The following RTTN variants were observed in gnomAD, a reference collection of about 807,000 sequenced individuals.
RTTN encodes rotatin.
A neutral mutation model predicts 269.2 loss-of-function variants in RTTN; 182 were observed. The observed-to-expected ratio is 0.68, with a 90% CI of 0.60 to 0.76. RTTN has a LOEUF of 0.76. Ranked by LOEUF, RTTN falls within the 30% of genes least tolerant of loss-of-function variation. The pLI is 0.00. For missense variants in RTTN, 2,545 were observed against 2,608.6 expected (o/e 0.98, Z 0.53); for synonymous variants, 1,006 against 963.5 (o/e 1.04, Z -0.82).
intron 34 of RTTN, among the ~76,000 whole-genome samples, chr18:70,072,289 A>G (rs1267800392): frequency 1.3e-5 from 2 of 152,178 alleles, no homozygotes; most frequent in African/African-American, 2.4e-5. Flanking sequence ...AGAGAAAATA[A>G]TAAGAAATAA....
Position 70,169,033 on chromosome 18 carries a change from G to A in RTTN, c.1511C>T (p.Ala504Val), listed in dbSNP as rs1295799193. ...CATGTCCAAAGAAAGGAGAAATAAT[G>A]CTGTTGACATAGGCTCTGATAAAAA... Reference protein sequence around the residue: ...SEFLSEPMSTALFLLSLDMPI... With the variant: ...SEFLSEPMSTVLFLLSLDMPI... Residue 504 changes from alanine (A) to valine (V), a missense_variant, in exon 12 of 49, where the codon GCA becomes GTA. Physicochemically the swap from Ala to Val is moderately conservative, Grantham distance 64. Coordinates refer to ENST00000640769, the MANE Select transcript of RTTN (RefSeq NM_173630.4). 2 of 1,611,496 alleles carry A rather than the reference G, an allele frequency of 1.2e-6. No homozygotes were observed. Among genetic ancestry groups the A allele is most frequent in the Admixed American group, 3.3e-5 (2 of 59,844 alleles).
intron 23 of RTTN, among the ~76,000 whole-genome samples, chr18:70,132,534 T>C (rs1413489932): frequency 6.6e-6 from 1 of 151,784 alleles, no homozygotes; most frequent in Non-Finnish European, 1.5e-5. Context: ...TTACCCCCAA[T>C]AACTCTAAAC....
At chr18:70,074,027 C>A (rs1185977481) in intron 33 of RTTN, 33 bp from the exon 34 acceptor site, 12 of 1,392,012 alleles carry the variant, frequency 8.6e-6, no homozygotes, top group African/African-American at 1.4e-5. Context: ...AACATGGACA[C>A]CCTCCTAGGA....
chr18:70,205,267 C>A lies in RTTN; in HGVS notation c.80G>T (p.Cys27Phe). 6.2e-7 allele frequency: 1 copy of A among 1,614,206 alleles called. No homozygotes were observed. Among genetic ancestry groups the A allele is most frequent in the Non-Finnish European group, 8.5e-7 (1 of 1,180,038 alleles). The change falls in exon 2 of 49, where the codon TGC (cysteine) becomes TTC (phenylalanine). Residue 27 changes from cysteine (C) to phenylalanine (F), a missense_variant. Coordinates refer to ENST00000640769, the MANE Select transcript of RTTN (RefSeq NM_173630.4). ...GCAGATTAAGTTGTGCTCAATCTTG[C>A]AGAGAATACTCTTGAGAGCGCGCTC... is the stretch of plus-strand genomic sequence containing the variant. ...IRERALKSILCKIEHNLICYA... is the reference protein window; with the variant it reads ...IRERALKSILFKIEHNLICYA...
chr18:70,017,948 A>G (rs2056591852), intron 45 of RTTN, among the ~76,000 whole-genome samples: 1 of 152,168 alleles, frequency 6.6e-6, no homozygotes. Context: ...TAGAATTGGT[A>G]ATTAAGTTTG....
chr18:70,084,113 G>A (rs1261802763), intron 32 of RTTN, among the ~76,000 whole-genome samples: 1 of 151,966 alleles, frequency 6.6e-6, no homozygotes, highest in East Asian at 1.9e-4. Flanking sequence ...AGGAAAAGGA[G>A]TAGTAATTAT....
intron 11 of RTTN, among the ~76,000 whole-genome samples, chr18:70,175,045 CAAAAAAAAA>C (rs5825998): frequency 3.0e-4 from 26 of 86,858 alleles, no homozygotes; most frequent in Middle Eastern, 0.011. Context: ...AAACCAAAAC[CAAAAAAAAA>C]AAAAAAAAAA....
chr18:70,082,901 C>T (rs2145150148), intron 32 of RTTN, among the ~76,000 whole-genome samples: 1 of 151,934 alleles, frequency 6.6e-6, no homozygotes, highest in South Asian at 2.1e-4. Context: ...CTATGTTGCC[C>T]AGGCTAGTCT....
intron 10 of RTTN, among the ~76,000 whole-genome samples, chr18:70,185,152 A>T (rs2061518501): frequency 2.0e-5 from 3 of 148,202 alleles, no homozygotes; most frequent in Non-Finnish European, 4.5e-5. Flanking sequence ...GTATACCCAT[A>T]AAAAAAAAAG....
chr18:70,101,136 G>C (rs879498941), intron 28 of RTTN, among the ~76,000 whole-genome samples: 1 of 152,204 alleles, frequency 6.6e-6, no homozygotes, highest in Non-Finnish European at 1.5e-5. Flanking sequence ...GACTGGAATA[G>C]TTTCAGAAGG....
intron 8 of RTTN, among the ~76,000 whole-genome samples, chr18:70,191,815 T>C (rs1454710323): frequency 6.6e-6 from 1 of 152,118 alleles, no homozygotes; most frequent in African/African-American, 2.4e-5. Context: ...CCCCAAAATA[T>C]GGAAACAACT....
chr18:70,111,595 G>C (rs903210648), intron 27 of RTTN, among the ~76,000 whole-genome samples: 6 of 152,168 alleles, frequency 3.9e-5, no homozygotes, highest in African/African-American at 1.4e-4. Flanking sequence ...GTGAAGACAA[G>C]ATTAGAGAAA....
Position 70,087,992 on chromosome 18 carries a change from C to G in RTTN, c.4299G>C (p.Arg1433=), listed in dbSNP as rs774420158. ...LDQSECSMVR[R]EAAFILQNLL... Reference sequence around the variant, plus strand: ...AAAGGAGAAAAGACAGACATACCTCCCGGCGCACCATACTACATTCTGACT... The same window carrying G: ...AAAGGAGAAAAGACAGACATACCTCGCGGCGCACCATACTACATTCTGACT... Residue 1433 remains arginine, a synonymous_variant, in exon 31 of 49, where the codon CGG becomes CGC. Coordinates refer to ENST00000640769, the MANE Select transcript of RTTN (RefSeq NM_173630.4). 3.1e-6 allele frequency: 5 copies of G among 1,612,036 alleles called. No individual in the cohort carries two copies. The Admixed American group carries it at 5.0e-5, about 16-fold the overall frequency.
Position 70,051,490 on chromosome 18 carries a change from G to A in RTTN, c.5244C>T (p.Ala1748=). The A allele has an allele frequency of 6.2e-7, 1 of 1,613,106 alleles. No homozygotes were observed. The highest frequency in any genetic ancestry group is 1.7e-4 in the Middle Eastern group (1 of 6,060). ...HTWTHLFNLL[A]MLLRKAGAIT... is the part of the protein sequence containing the mutation. The stretch of plus-strand genomic sequence containing the variant: ...TGGCACCAGCTTTCCTCAGGAGCAT[G>A]GCCAGAAGATTAAATAAATGTGTCC... Residue 1748 remains alanine, a synonymous_variant, in exon 39 of 49, where the codon GCC becomes GCT. Transcript: ENST00000640769.
At position 70,169,107 on chromosome 18, in the gene RTTN, TA is replaced by T. The variant is rs749528080; in HGVS notation, c.1477-41del. 30 of 1,451,466 alleles carry T rather than the reference TA, an allele frequency of 2.1e-5. No homozygotes were observed. In the African/African-American group the frequency reaches 3.0e-4, roughly 15 times the overall value. The allele number at this position is 1,451,466 out of a possible 1,614,324, so 89.9% of individuals were successfully genotyped here. A position where few individuals can be genotyped will look rare whatever the true frequency, so the allele number is the denominator to read the frequency against. On this transcript the variant is annotated intron_variant, in intron 11 of 48. Coordinates refer to ENST00000640769, the MANE Select transcript of RTTN (RefSeq NM_173630.4). ...AAAACAAAAAAATTAAAACTTTGTT[TA>T]AAAAAAACTTATTTTAGAGAAACAT...
intron 42 of RTTN, among the ~76,000 whole-genome samples, chr18:70,029,569 A>T (rs2056953665): frequency 1.3e-5 from 2 of 152,132 alleles, no homozygotes; most frequent in South Asian, 4.1e-4. Context: ...ATCAATTACC[A>T]GTTGTGTGAC....
chr18:70,119,186 A>C (rs1012628147), intron 26 of RTTN, among the ~76,000 whole-genome samples: 4 of 152,106 alleles, frequency 2.6e-5, no homozygotes, highest in Admixed American at 2.6e-4. Flanking sequence ...AGAAAAACCT[A>C]GACTCCACCA....
chr18:70,064,497 T>A (rs1055176821), intron 35 of RTTN, among the ~76,000 whole-genome samples: 2 of 152,172 alleles, frequency 1.3e-5, no homozygotes, highest in African/African-American at 4.8e-5. Flanking sequence ...TGGAATATTA[T>A]TTGTCAATAA....
At chr18:70,203,600 AT>A (rs1195429066) in intron 3 of RTTN, among the ~76,000 whole-genome samples, 8 of 152,164 alleles carry the variant, frequency 5.3e-5, no homozygotes, top group Non-Finnish European at 4.4e-5. Context: ...TGAGACTTAA[AT>A]CCATGTCTCT....
Sources: gnomAD v4.1 joint callset for allele counts (sites outside exome capture counted in the v4.1 genomes callset) on GRCh38, gnomAD v4.1.1 for gene constraint, MANE v1.5 for transcripts, NCBI Gene and HGNC (gene_info 2026-07-23, HGNC 2026-07-21) for gene names.